POU2F2: variants seen among roughly 807,000 people sequenced by gnomAD.
POU2F2 encodes POU domain, class 2, transcription factor 2.
A neutral mutation model predicts 63.5 loss-of-function variants in POU2F2; 14 were observed. The ratio of observed to expected loss-of-function variants is 0.22; its 90% confidence interval spans 0.15 to 0.34. The LOEUF (loss-of-function observed/expected upper bound fraction) is 0.34, where lower values mean the gene tolerates loss of function less well. POU2F2 is among the 10% of genes least tolerant of loss of function. The pLI, the probability that POU2F2 is intolerant of heterozygous loss-of-function variation, is 1.00. For missense variants in POU2F2, 607 were observed against 815.2 expected (o/e 0.74, Z 3.11); for synonymous variants, 306 against 348.6 (o/e 0.88, Z 1.36).
chr19:42,109,058 C>A (rs780373458), intron 5 of POU2F2, among the ~76,000 whole-genome samples: 7 of 152,208 alleles, frequency 4.6e-5, no homozygotes, highest in Non-Finnish European at 1.0e-4. Context: ...TGACTGGGGG[C>A]AGAAAGGTTG....
chr19:42,177,361 G>A (rs1358850800), upstream of POU2F2: 1 of 152,690 alleles, frequency 6.5e-6, no homozygotes, highest in Non-Finnish European at 1.5e-5. Flanking sequence ...CGCCATCCCC[G>A]GCTCCCACCT....
At chr19:42,185,109 T>A (rs2034999525) in intron 1 of POU2F2, among the ~76,000 whole-genome samples, 1 of 152,188 alleles carries the variant, frequency 6.6e-6, no homozygotes. Flanking sequence ...CCAGTTCATT[T>A]ACTTCATTAA....
At chr19:42,194,533 C>T (rs941806690) in intron 1 of POU2F2, among the ~76,000 whole-genome samples, 1 of 151,640 alleles carries the variant, frequency 6.6e-6, no homozygotes, top group Non-Finnish European at 1.5e-5. Flanking sequence ...CCGAGGCTGG[C>T]GGATCACCTG....
At chr19:42,154,827 C>A (rs1758534317) in intron 2 of POU2F2, among the ~76,000 whole-genome samples, 1 of 152,124 alleles carries the variant, frequency 6.6e-6, no homozygotes, top group Admixed American at 6.5e-5. Context: ...ATGCTCAAGC[C>A]TTTTTCCACG....
At chr19:42,187,197 T>C (rs2035021703) in intron 1 of POU2F2, among the ~76,000 whole-genome samples, 1 of 152,006 alleles carries the variant, frequency 6.6e-6, no homozygotes, top group Non-Finnish European at 1.5e-5. Flanking sequence ...GGTGCAGTGG[T>C]TCACGCCTGT....
chr19:42,113,885 G>A (rs1472161267), intron 5 of POU2F2, among the ~76,000 whole-genome samples: 4 of 152,204 alleles, frequency 2.6e-5, no homozygotes, highest in Non-Finnish European at 5.9e-5. Context: ...GGGTAGGTAA[G>A]TCAGGAAGAG....
rs1400982657 is a variant in POU2F2 at position 42,095,340 on chromosome 19, A to G, written c.1143T>C (p.Ser381=). The change falls in exon 11 of 15, where the codon AGT becomes AGC. Residue 381 remains serine (S), a synonymous_variant. Coordinates refer to ENST00000692977, the MANE Select transcript of POU2F2 (RefSeq NM_001394376.1). The surrounding 1 kb of genome is among the most constrained non-coding windows in gnomAD (Gnocchi z 7.1). ...RQKEKRINPC[S]AAPMLPSPGK... ...CTGGGCTGGGCAGCATGGGGGCCGCACTGCAGGGGTTGATGCGTTTCTCCT... is the reference window on the plus strand; with the variant it reads ...CTGGGCTGGGCAGCATGGGGGCCGCGCTGCAGGGGTTGATGCGTTTCTCCT... The G allele has an allele frequency of 1.9e-6, 3 of 1,613,970 alleles. No individual in the cohort carries two copies.
In POU2F2 at chr19:42,096,127, G is replaced by A; in HGVS notation, c.684C>T (p.Phe228=). 1.2e-6 allele frequency: 2 copies of A among 1,613,778 alleles called. No individual in the cohort carries two copies. Among genetic ancestry groups the A allele is most frequent in the Non-Finnish European group, 1.7e-6 (2 of 1,179,828 alleles). ...TGCGGCGTTGCTTGAAGGTGCGGGC[G>A]AATTGCTCCAGCTCCTCCAGATCAC... is the stretch of plus-strand genomic sequence containing the variant. ...EPSDLEELEQ[F]ARTFKQRRIK... is the part of the protein sequence containing the mutation. Residue 228 remains phenylalanine (F), a synonymous_variant, in exon 8 of 15, where the codon TTC becomes TTT. Transcript: ENST00000692977. This position sits in a 1 kb window ranked among gnomAD's most constrained non-coding sequence, Gnocchi z 4.1.
chr19:42,093,576 A>G (rs574250978), intron 12 of POU2F2: 3 of 391,506 alleles, frequency 7.7e-6, no homozygotes, highest in South Asian at 2.1e-4. Context: ...GCCAGGCACA[A>G]AACTCAAGTG....
chr19:42,089,667 C>T lies in POU2F2; in HGVS notation c.*1590G>A, dbSNP rs1374080300. 1.3e-5 allele frequency: 2 copies of T among 150,974 alleles called. No individual in the cohort carries two copies. The highest frequency in any genetic ancestry group is 3.0e-5 in the Non-Finnish European group (2 of 67,746). The allele number at this position is 150,974 out of a possible 1,614,324, so 9.4% of individuals were successfully genotyped here. The stretch of plus-strand genomic sequence containing the variant: ...GGTGCAGGGGCTTGGCTCCGCCTCG[C>T]GGTTCCATCTTATTCTTGAAGAGTC... On this transcript the variant is annotated 3_prime_UTR_variant, in exon 15 of 15. Transcript: ENST00000692977.
In POU2F2 at chr19:42,089,374, G is replaced by A. The variant is rs1445878830; in HGVS notation, c.*1883C>T. ...AAAGTTGTTAAGTTTTCCTTCATCT[G>A]TTCTTTTTGCTTTCTTACTCCTTTT... On this transcript the variant is annotated 3_prime_UTR_variant, in exon 15 of 15. Transcript: ENST00000692977. 1 of 152,566 alleles carries A rather than the reference G, an allele frequency of 6.6e-6. No individual in the cohort carries two copies. Among genetic ancestry groups the A allele is most frequent in the Non-Finnish European group, 1.5e-5 (1 of 68,012 alleles). 9.5% of individuals were successfully genotyped at this position (152,566 alleles called of 1,614,324 possible).
rs1480978265 is a variant in POU2F2, at chr19:42,152,281, G to A, written c.-9+8051C>T. Among the ~76,000 whole-genome samples the A allele has an allele frequency of 6.6e-6, 1 of 152,116 alleles. No individual in the cohort carries two copies. Among genetic ancestry groups the A allele is most frequent in the Non-Finnish European group, 1.5e-5 (1 of 68,000 alleles). On this transcript the variant is annotated intron_variant, in intron 2 of 6. Transcript: ENST00000524801. This position sits in a 1 kb window ranked among gnomAD's most constrained non-coding sequence, Gnocchi z 4.1. ...AGGCTGAGGTGACTCTCGGGGAGAG[G>A]GCCGCAGCGAAGAAGAAGAGGGGGA... is the stretch of plus-strand genomic sequence containing the variant.
chr19:42,166,872 C>T lies in POU2F2; in HGVS notation c.-69-6480G>A, dbSNP rs138507696. 2.6e-4 allele frequency among the ~76,000 whole-genome samples: 39 copies of T among 152,178 alleles called. No individual in the cohort carries two copies. In the East Asian group the frequency reaches 4.6e-3, roughly 18 times the overall value. On this transcript the variant is annotated intron_variant, in intron 1 of 6. Coordinates refer to the POU2F2 transcript ENST00000524801. ...TGCCACCCTTGTCTGACACAGCAGA[C>T]GTCTACCTCCACCATTATATTGGGC...
intron 12 of POU2F2, among the ~76,000 whole-genome samples, chr19:42,093,007 ATATTTTT>A (rs1291369710): frequency 1.6e-4 from 10 of 62,266 alleles, no homozygotes; most frequent in Admixed American, 3.5e-4. Flanking sequence ...ATATATATAT[ATATTTTT>A]TTTTTTTTTT....
Position 42,095,228 on chromosome 19 carries a change from C to CTAGGCTCTGTGGACA in POU2F2, c.1197+57_1197+58insTGTCCACAGAGCCTA. On this transcript the variant is annotated intron_variant, in intron 11 of 14. Coordinates refer to ENST00000692977, the MANE Select transcript of POU2F2 (RefSeq NM_001394376.1). This position sits in a 1 kb window ranked among gnomAD's most constrained non-coding sequence, Gnocchi z 7.1. ...GTGGACAACCAGGTAGGGTGGGCTT[C>CTAGGCTCTGTGGACA]ACACAGGTGCCTGCGGAGCTCTGTG... 1 of 1,548,786 alleles carries CTAGGCTCTGTGGACA rather than the reference C, an allele frequency of 6.5e-7. No individual in the cohort carries two copies. The highest frequency in any genetic ancestry group is 8.7e-7 in the Non-Finnish European group (1 of 1,148,158).
intron 5 of POU2F2, among the ~76,000 whole-genome samples, chr19:42,113,077 C>A (rs1373767377): frequency 6.6e-6 from 1 of 152,216 alleles, no homozygotes; most frequent in African/African-American, 2.4e-5. Context: ...ACATTCCCAT[C>A]ACACTCAGTT....
chr19:42,132,497 T>C, upstream of POU2F2: 1 of 1,304,978 alleles, frequency 7.7e-7, no homozygotes, highest in Non-Finnish European at 1.0e-6. Flanking sequence ...CGGAAGTCAC[T>C]CAGGGAGGAA....
intron 2 of POU2F2, among the ~76,000 whole-genome samples, chr19:42,158,328 C>T (rs567922060): frequency 4.6e-5 from 7 of 152,240 alleles, no homozygotes; most frequent in Admixed American, 1.3e-4. Flanking sequence ...AGGTGGTCTC[C>T]GAAATCAAAT....
Position 42,104,544 on chromosome 19 carries a change from G to A in POU2F2, c.370-4723C>T, listed in dbSNP as rs2077263163. Among the ~76,000 whole-genome samples, 3 of 152,096 alleles carry A rather than the reference G, an allele frequency of 2.0e-5. 1 individual carries two copies. The South Asian group carries it at 6.2e-4, about 32-fold the overall frequency. ...CTATGCAGTCACCAGCAAGAATGAG[G>A]AGTCTCTTTGTGTCCTGACATGGAA... is the stretch of plus-strand genomic sequence containing the variant. On this transcript the variant is annotated intron_variant, in intron 5 of 14. Coordinates refer to ENST00000692977, the MANE Select transcript of POU2F2 (RefSeq NM_001394376.1).
Sources: gnomAD v4.1 joint callset for allele counts (sites outside exome capture counted in the v4.1 genomes callset) on GRCh38, gnomAD v4.1.1 for gene constraint, Gnocchi (gnomAD v3.1) non-coding constraint, MANE v1.5 for transcripts, NCBI Gene and HGNC (gene_info 2026-07-23, HGNC 2026-07-21) for gene names.